Variants in POGZ observed in about 807,000 individuals in gnomAD.
POGZ encodes pogo transposable element with ZNF domain.
In POGZ, 17 loss-of-function variants were observed where a neutral mutation model predicts 134.6. The observed-to-expected ratio is 0.13, with a 90% confidence interval of 0.09 to 0.19. The LOEUF is 0.19. POGZ is among the 10% of genes least tolerant of loss of function. The probability of loss-of-function intolerance (pLI) is 1.00; values close to 1 mark genes in which losing one functional copy is unlikely to be tolerated. For synonymous variants in POGZ, 693 were observed against 657.1 expected (o/e 1.05, Z -0.84); for missense variants, 1,306 against 1,769.7 (o/e 0.74, Z 4.70).
intron 3 of POGZ, among the ~76,000 whole-genome samples, chr1:151,440,103 T>C (rs1660285325): frequency 6.6e-6 from 1 of 151,548 alleles, no homozygotes; most frequent in South Asian, 2.1e-4. Flanking sequence ...TATATAAAAA[T>C]AAAAAATAAA....
At position 151,413,977 on chromosome 1, in the gene POGZ, G is replaced by A. The variant is rs189838384; in HGVS notation, c.1679-1581C>T. 5.9e-5 allele frequency among the ~76,000 whole-genome samples: 9 copies of A among 152,304 alleles called. No homozygotes were observed. In the East Asian group the frequency reaches 1.4e-3, roughly 23 times the overall value. On this transcript the variant is annotated intron_variant, in intron 10 of 18. Transcript: ENST00000271715. ...AAGAGTAAAATGTAGATTTTTCTAG[G>A]AAGAGGATTCAAACATTTCATATTT...
At chr1:151,442,891 C>A (rs1264311063) in intron 1 of POGZ, among the ~76,000 whole-genome samples, 1 of 150,034 alleles carries the variant, frequency 6.7e-6, no homozygotes, top group Non-Finnish European at 1.5e-5. Flanking sequence ...TAGCCGGGCA[C>A]GCTGGCAGGC....
intron 1 of POGZ, chr1:151,455,002 G>A (rs1205285132): frequency 1.3e-5 from 2 of 151,984 alleles, no homozygotes; most frequent in Non-Finnish European, 2.9e-5. Flanking sequence ...AGCTACTGAG[G>A]AAGCTGAAGG....
At chr1:151,446,454 T>C (rs1025843095) in intron 1 of POGZ, among the ~76,000 whole-genome samples, 4 of 151,790 alleles carry the variant, frequency 2.6e-5, no homozygotes, top group African/African-American at 9.7e-5. Flanking sequence ...GTGAATACAG[T>C]GCTACATCAA....
At chr1:151,421,491 C>T (rs552472558) in intron 10 of POGZ, among the ~76,000 whole-genome samples, 27 of 152,312 alleles carry the variant, frequency 1.8e-4, no homozygotes, top group African/African-American at 6.3e-4. Context: ...ATCCCACTTC[C>T]CTTGCCAATA....
chr1:151,446,755 C>CAAAAAA (rs11309351), intron 1 of POGZ, among the ~76,000 whole-genome samples: 5 of 70,698 alleles, frequency 7.1e-5, no homozygotes, highest in East Asian at 5.2e-4. Flanking sequence ...GACTCCATCT[C>CAAAAAA]AAAAAAAAAA....
intron 1 of POGZ, among the ~76,000 whole-genome samples, chr1:151,457,119 T>TGA (rs1662867585): frequency 6.6e-6 from 1 of 152,194 alleles, no homozygotes; most frequent in African/African-American, 2.4e-5. Context: ...TGTCCACACT[T>TGA]TGAGAACTGC....
At chr1:151,437,295 T>C (rs1488526249) in intron 3 of POGZ, among the ~76,000 whole-genome samples, 2 of 152,090 alleles carry the variant, frequency 1.3e-5, no homozygotes, top group Non-Finnish European at 2.9e-5. Context: ...ACATCTTTAA[T>C]GTAGTTCTAT....
intron 1 of POGZ, among the ~76,000 whole-genome samples, chr1:151,449,678 C>T (rs978756592): frequency 6.6e-6 from 1 of 152,168 alleles, no homozygotes; most frequent in Non-Finnish European, 1.5e-5. Context: ...GGGCGGATCA[C>T]GAGGTCAGGA....
chr1:151,415,305 T>C (rs765119223), intron 10 of POGZ, among the ~76,000 whole-genome samples: 1 of 152,152 alleles, frequency 6.6e-6, no homozygotes, highest in Non-Finnish European at 1.5e-5. Context: ...ATAACCTACA[T>C]CTGTTACCTT....
At chr1:151,433,283 G>C (rs1659012036) in intron 3 of POGZ, among the ~76,000 whole-genome samples, 1 of 152,092 alleles carries the variant, frequency 6.6e-6, no homozygotes, top group African/African-American at 2.4e-5. Flanking sequence ...TTATATCAGG[G>C]TCAAGTTTAA....
At chr1:151,406,730 G>T in intron 17 of POGZ, 99 bp from the exon 18 acceptor site, 1 of 1,118,752 alleles carries the variant, frequency 8.9e-7, no homozygotes, top group Non-Finnish European at 1.3e-6. Context: ...CAAATACGCT[G>T]TTCGCAGTGA....
chr1:151,424,340 A>G, intron 8 of POGZ, 54 bp from the exon 9 acceptor site: 5 of 1,059,182 alleles, frequency 4.7e-6, no homozygotes, highest in Non-Finnish European at 6.9e-6. Context: ...AGAATGTGCT[A>G]ACTCCTTAAC....
At chr1:151,436,433 T>C (rs1194939082) in intron 3 of POGZ, among the ~76,000 whole-genome samples, 4 of 152,038 alleles carry the variant, frequency 2.6e-5, no homozygotes, top group Admixed American at 6.6e-5. Context: ...ACCTTTTGTG[T>C]CTGGCTTCTT....
rs1236577907 is a variant in POGZ, at chr1:151,407,220, T to G, written c.2432+15A>C. The G allele has an allele frequency of 6.4e-7, 1 of 1,568,818 alleles. No individual in the cohort carries two copies. Among genetic ancestry groups the G allele is most frequent in the South Asian group, 1.2e-5 (1 of 86,546 alleles). ...ACCTGAAAAATTAAGATGCTGCCAA[T>G]AAGTTTTTTCTTACCTCACAGAATT... On this transcript the variant is annotated intron_variant, in intron 16 of 18. Coordinates refer to ENST00000271715, the MANE Select transcript of POGZ (RefSeq NM_015100.4).
chr1:151,429,967 A>G lies in POGZ; in HGVS notation c.460-256T>C, dbSNP rs1427627680. On this transcript the variant is annotated intron_variant, in intron 4 of 18. Coordinates refer to ENST00000271715, the MANE Select transcript of POGZ (RefSeq NM_015100.4). Reference sequence around the variant, plus strand: ...GAAAACCTATTTCCTGACTTAAGAGAGCATCGGCTTAAAAAAACCTCATCA... The same window carrying G: ...GAAAACCTATTTCCTGACTTAAGAGGGCATCGGCTTAAAAAAACCTCATCA... Among the ~76,000 whole-genome samples, 8 of 151,504 alleles carry G rather than the reference A, an allele frequency of 5.3e-5. No individual in the cohort carries two copies. In the East Asian group the frequency reaches 1.6e-3, roughly 29 times the overall value.
At chr1:151,458,462 C>A (rs1158662868) in intron 1 of POGZ, among the ~76,000 whole-genome samples, 1 of 152,044 alleles carries the variant, frequency 6.6e-6, no homozygotes, top group African/African-American at 2.4e-5. Context: ...TACTATTAGA[C>A]CAAGCAGAGA....
At chr1:151,458,248 A>C (rs1217794109) in intron 1 of POGZ, among the ~76,000 whole-genome samples, 1 of 151,974 alleles carries the variant, frequency 6.6e-6, no homozygotes, top group Non-Finnish European at 1.5e-5. Flanking sequence ...CAATGACAGT[A>C]CTCCTTTGCA....
At position 151,428,054 on chromosome 1, in the gene POGZ, AGT is replaced by A. The variant is rs768778887; in HGVS notation, c.860-15_860-14del. On this transcript the variant is annotated splice_polypyrimidine_tract_variant and intron_variant, in intron 6 of 18. Transcript: ENST00000271715. ...GGGAAGGAGGGAGCTACGGTGACCAAGTGATAATCATCTGTTCTCCACCCACC... is the reference window on the plus strand; with the variant it reads ...GGGAAGGAGGGAGCTACGGTGACCAAGATAATCATCTGTTCTCCACCCACC... 1 of 1,613,870 alleles carries A rather than the reference AGT, an allele frequency of 6.2e-7. No individual in the cohort carries two copies. Among genetic ancestry groups the A allele is most frequent in the East Asian group, 2.2e-5 (1 of 44,884 alleles).
Sources: allele counts gnomAD v4.1 joint callset (sites outside exome capture counted in the v4.1 genomes callset), GRCh38; gene constraint gnomAD v4.1.1; transcripts MANE v1.5; gene names NCBI Gene and HGNC (gene_info 2026-07-23, HGNC 2026-07-21).